Variants in HECTD4 observed in about 807,000 individuals in gnomAD.
The protein encoded by HECTD4 is HECT domain E3 ubiquitin protein ligase 4.
Under a neutral mutation model 471.5 loss-of-function variants are expected in HECTD4, and 114 were observed. The observed-to-expected ratio is 0.24, with a 90% CI of 0.21 to 0.28. HECTD4 has a LOEUF of 0.28. Among genes scored for constraint, HECTD4 ranks in the 10% least tolerant of loss-of-function variants. The pLI is 1.00. For synonymous variants in HECTD4, 2,012 were observed against 2,256.0 expected (o/e 0.89, Z 3.07); for missense variants, 3,866 against 5,651.5 (o/e 0.68, Z 10.13).
chr12:112,232,982 C>A (rs373102059), intron 38 of HECTD4, 22 bp downstream of exon 38: 98 of 1,586,804 alleles, frequency 6.2e-5, no homozygotes, highest in Non-Finnish European at 8.1e-5. Flanking sequence ...CGGGTTTCAT[C>A]GTTTTAACCT....
chr12:112,235,404 A>T lies in HECTD4; in HGVS notation c.5725+100T>A. ...TCCTGTCCCCGCTCCCTTCTCTGTC[A>T]CTCACTCTTTCATCATAGGAAGCAC... On this transcript the variant is annotated intron_variant, in intron 36 of 75. Coordinates refer to ENST00000682272, the MANE Select transcript of HECTD4 (RefSeq NM_001388303.1). This position sits in a 1 kb window ranked among gnomAD's most constrained non-coding sequence, Gnocchi z 5.0. 1 of 1,488,978 alleles carries T rather than the reference A, an allele frequency of 6.7e-7. No homozygotes were observed. Among genetic ancestry groups the T allele is most frequent in the Non-Finnish European group, 9.1e-7 (1 of 1,104,280 alleles). The allele number at this position is 1,488,978 out of a possible 1,614,324, so 92.2% of individuals were successfully genotyped here. A position where few individuals can be genotyped will look rare whatever the true frequency, so the allele number is the denominator to read the frequency against.
intron 55 of HECTD4, among the ~76,000 whole-genome samples, chr12:112,197,244 G>A (rs1236587560): frequency 1.3e-5 from 2 of 152,122 alleles, no homozygotes; most frequent in East Asian, 3.8e-4. Flanking sequence ...CTGCAGCCCT[G>A]GTTTGGACAC....
Position 112,208,561 on chromosome 12 carries a change from G to A in HECTD4, c.7937C>T (p.Pro2646Leu). 6.2e-7 allele frequency: 1 copy of A among 1,607,764 alleles called. No individual in the cohort carries two copies. Among genetic ancestry groups the A allele is most frequent in the Non-Finnish European group, 8.5e-7 (1 of 1,178,166 alleles). ...TGCAATGGGAGGCGGGTGAGGGTCT[G>A]GGCCAGAGGTGATGAAATTCTCATA... ...LSYENFITSG[P>L]DPHPPPIADD... Residue 2646 changes from proline (P) to leucine (L), a missense_variant, in exon 51 of 76, where the codon CCA becomes CTA. Physicochemically the swap from Pro to Leu is moderately conservative, Grantham distance 98. This residue lies in a region of HECTD4 where 266 missense variants were observed against 441.6 expected (regional missense o/e 0.60). Transcript: ENST00000682272.
intron 44 of HECTD4, among the ~76,000 whole-genome samples, chr12:112,222,348 C>A (rs943043251): frequency 6.6e-6 from 1 of 152,162 alleles, no homozygotes; most frequent in African/African-American, 2.4e-5. Flanking sequence ...TGAGCCACAG[C>A]ACCTGGCCCT....
At chr12:112,318,273 G>C (rs1007671635) in intron 2 of HECTD4, among the ~76,000 whole-genome samples, 1 of 150,690 alleles carries the variant, frequency 6.6e-6, no homozygotes, top group African/African-American at 2.4e-5. Flanking sequence ...TCAAAAAAAA[G>C]AGAAAAGAAA....
At chr12:112,219,545 T>C in intron 44 of HECTD4, 56 bp from the exon 45 acceptor site, 1 of 1,249,552 alleles carries the variant, frequency 8.0e-7, no homozygotes, top group South Asian at 1.3e-5. Context: ...CCCAAGTGGG[T>C]GCTGACTCTT....
At chr12:112,323,965 TCTTCCTTCCTTC>T (rs1248538588) in intron 1 of HECTD4, among the ~76,000 whole-genome samples, 111 of 43,940 alleles carry the variant, frequency 2.5e-3, no homozygotes, top group South Asian at 4.4e-3. Context: ...TTTCTTTCTT[TCTTCCTTCCTTC>T]CTTCCTTCCT....
At chr12:112,200,906 T>A (rs1405112376) in intron 54 of HECTD4, 108 bp from the exon 55 acceptor site, 2 of 985,404 alleles carry the variant, frequency 2.0e-6, no homozygotes, top group Non-Finnish European at 1.5e-6. Context: ...TGTGTGTGTG[T>A]GTGTGTATTT....
rs757798772 is a variant in HECTD4, at chr12:112,194,876, A to C, written c.8749+9T>G. ...GTTCCAGAGTGACAGCAGCAAAGCC[A>C]AGTTTTACCTGGGAGAGGAGGTGCG... On this transcript the variant is annotated intron_variant, in intron 56 of 75. Transcript: ENST00000682272. This position sits in a 1 kb window ranked among gnomAD's most constrained non-coding sequence, Gnocchi z 4.6. 2 of 1,600,840 alleles carry C rather than the reference A, an allele frequency of 1.2e-6. No individual in the cohort carries two copies. Among genetic ancestry groups the C allele is most frequent in the Non-Finnish European group, 1.7e-6 (2 of 1,173,912 alleles).
chr12:112,178,825 G>T, intron 64 of HECTD4, 106 bp downstream of exon 64: 1 of 1,299,408 alleles, frequency 7.7e-7, no homozygotes. Context: ...AAAAAGGCCT[G>T]ACACCAGGCT....
intron 54 of HECTD4, 49 bp downstream of exon 54, chr12:112,203,586 GC>G: frequency 2.0e-6 from 3 of 1,484,168 alleles, no homozygotes; most frequent in Non-Finnish European, 2.8e-6. Flanking sequence ...GGGTATGACA[GC>G]CTCAGTATAT....
intron 1 of HECTD4, among the ~76,000 whole-genome samples, chr12:112,353,656 C>T (rs569815081): frequency 3.8e-4 from 58 of 152,148 alleles, no homozygotes; most frequent in African/African-American, 1.1e-3. Flanking sequence ...GGTAAAACCC[C>T]ATCTCTACTA....
chr12:112,317,956 C>CAAAA (rs59773169), intron 2 of HECTD4, among the ~76,000 whole-genome samples: 5 of 22,236 alleles, frequency 2.2e-4, no homozygotes, highest in African/African-American at 5.9e-4. Context: ...GACCCCATCT[C>CAAAA]AAAAAAAAAA....
intron 35 of HECTD4, among the ~76,000 whole-genome samples, chr12:112,236,203 T>G (rs1220953970): frequency 6.6e-6 from 1 of 152,218 alleles, no homozygotes; most frequent in Non-Finnish European, 1.5e-5. Context: ...TACAGAAGCT[T>G]ATCTACCATC....
At chr12:112,278,038 T>C (rs562068966) in intron 9 of HECTD4, among the ~76,000 whole-genome samples, 24 of 152,184 alleles carry the variant, frequency 1.6e-4, no homozygotes, top group Non-Finnish European at 2.6e-4. Context: ...AGTGGTATTT[T>C]GCTACTATCG....
chr12:112,326,398 CAGG>C (rs894882188), intron 1 of HECTD4, among the ~76,000 whole-genome samples: 6 of 152,078 alleles, frequency 3.9e-5, no homozygotes, highest in Non-Finnish European at 7.4e-5. Context: ...AAGGCTGAGG[CAGG>C]AGGATTGCTT....
chr12:112,363,992 C>CAAAAAAAAAAAAAAAAAA (rs1175386198), intron 1 of HECTD4, among the ~76,000 whole-genome samples: 1 of 52,886 alleles, frequency 1.9e-5, no homozygotes, highest in Non-Finnish European at 3.5e-5. Context: ...ACTCAATCTC[C>CAAAAAAAAAAAAAAAAAA]AAAAAAAAAA....
At position 112,239,009 on chromosome 12, in the gene HECTD4, T is replaced by C; in HGVS notation, c.5290+43A>G. The C allele has an allele frequency of 1.3e-6, 2 of 1,541,848 alleles. No homozygotes were observed. Among genetic ancestry groups the C allele is most frequent in the East Asian group, 2.3e-5 (1 of 43,438 alleles). ...AAAAACCAATAAACTAACACACCAA[T>C]AGAAGAAATCAGTGAGCTCTAGAAA... On this transcript the variant is annotated intron_variant, in intron 34 of 75. Transcript: ENST00000682272. The surrounding 1 kb of genome is among the most constrained non-coding windows in gnomAD (Gnocchi z 4.9).
chr12:112,208,755 G>A, intron 50 of HECTD4, 125 bp from the exon 51 acceptor site: 2 of 706,188 alleles, frequency 2.8e-6, no homozygotes, highest in Non-Finnish European at 2.1e-6. Flanking sequence ...AGTACACTGA[G>A]GAATGTTAAA....
Sources: gnomAD v4.1 joint callset for allele counts (sites outside exome capture counted in the v4.1 genomes callset) on GRCh38, gnomAD v4.1.1 for gene constraint, gnomAD v4.1.1 regional missense constraint, Gnocchi (gnomAD v3.1) non-coding constraint, MANE v1.5 for transcripts, NCBI Gene and HGNC (gene_info 2026-07-23, HGNC 2026-07-21) for gene names.